Variants in SEMA3E observed in about 807,000 individuals in gnomAD.
SEMA3E encodes semaphorin-3E.
SEMA3E carries 49 observed loss-of-function variants against 93.6 expected under a neutral mutation model. That is an observed-to-expected ratio of 0.52 (90% CI 0.42 to 0.66). SEMA3E has a LOEUF of 0.66. Among genes scored for constraint, SEMA3E ranks in the 30% least tolerant of loss-of-function variants. SEMA3E has a pLI of 0.00. For missense variants in SEMA3E, 906 were observed against 964.8 expected (o/e 0.94, Z 0.81); for synonymous variants, 363 against 330.7 (o/e 1.10, Z -1.06).
chr7:83,613,650 A>G (rs1793308808), intron 1 of SEMA3E, among the ~76,000 whole-genome samples: 1 of 152,112 alleles, frequency 6.6e-6, no homozygotes. Flanking sequence ...AATTGTTTGG[A>G]TCATATCTTA....
At chr7:83,546,321 G>GGTGTGTGTGT (rs67647992) in intron 1 of SEMA3E, among the ~76,000 whole-genome samples, 13 of 129,484 alleles carry the variant, frequency 1.0e-4, no homozygotes, top group Admixed American at 5.9e-4. Context: ...TATAATAAGG[G>GGTGTGTGTGT]GTGTGTGTGT....
chr7:83,496,107 A>G (rs1227375900), intron 1 of SEMA3E, among the ~76,000 whole-genome samples: 3 of 151,988 alleles, frequency 2.0e-5, no homozygotes, highest in South Asian at 4.1e-4. Flanking sequence ...CCTCAGAAAT[A>G]CTATTATCCC....
At chr7:83,465,371 C>T (rs768363115) in intron 4 of SEMA3E, among the ~76,000 whole-genome samples, 51 of 152,246 alleles carry the variant, frequency 3.3e-4, no homozygotes, top group African/African-American at 8.7e-4. Flanking sequence ...TCTCTTCACA[C>T]GGATGCACAT....
chr7:83,386,080 A>T (rs2116917611), intron 15 of SEMA3E, among the ~76,000 whole-genome samples: 1 of 152,218 alleles, frequency 6.6e-6, no homozygotes, highest in South Asian at 2.1e-4. Flanking sequence ...TTTTAAACTA[A>T]GACAAATTCA....
In SEMA3E at chr7:83,587,239, G is replaced by C. The variant is rs558120925; in HGVS notation, c.115+61189C>G. On this transcript the variant is annotated intron_variant, in intron 1 of 16. Transcript: ENST00000643230. ...AAGTTAGAATTTTAACCAATTTGAG[G>C]CTTGTAAGAAATTAGGTAGTGCCTC... Among the ~76,000 whole-genome samples, 5 of 152,110 alleles carry C rather than the reference G, an allele frequency of 3.3e-5. No individual in the cohort carries two copies. The South Asian group carries it at 1.0e-3, about 32-fold the overall frequency.
intron 1 of SEMA3E, among the ~76,000 whole-genome samples, chr7:83,605,160 A>T (rs1311312201): frequency 1.3e-5 from 2 of 152,166 alleles, no homozygotes; most frequent in Non-Finnish European, 2.9e-5. Flanking sequence ...AATGGGATTG[A>T]TGGGTCAAAT....
At chr7:83,571,660 G>C (rs1792289072) in intron 1 of SEMA3E, among the ~76,000 whole-genome samples, 1 of 152,134 alleles carries the variant, frequency 6.6e-6, no homozygotes, top group South Asian at 2.1e-4. Context: ...TTGAAAACTG[G>C]AACAAGACAA....
intron 4 of SEMA3E, among the ~76,000 whole-genome samples, chr7:83,438,413 C>T (rs771976800): frequency 5.9e-5 from 9 of 152,068 alleles, no homozygotes; most frequent in African/African-American, 1.2e-4. Context: ...AATGAAGTTT[C>T]GTAGTAATTG....
In SEMA3E at chr7:83,367,275, GTCT is replaced by G. The variant is rs1291774109; in HGVS notation, c.*308_*310del. Reference sequence around the variant, plus strand: ...TTTTCTTCAATATTCTAATAATCTTGTCTTCCAAAAGTAAAATAATAATTTTCA... The same window carrying G: ...TTTTCTTCAATATTCTAATAATCTTGTCCAAAAGTAAAATAATAATTTTCA... On this transcript the variant is annotated 3_prime_UTR_variant, in exon 17 of 17. Coordinates refer to ENST00000643230, the MANE Select transcript of SEMA3E (RefSeq NM_012431.3). 5 of 282,640 alleles carry G rather than the reference GTCT, an allele frequency of 1.8e-5. No individual in the cohort carries two copies. Among genetic ancestry groups the G allele is most frequent in the Non-Finnish European group, 2.7e-5 (4 of 149,376 alleles). 17.5% of individuals were successfully genotyped at this position (282,640 alleles called of 1,614,324 possible). A position where few individuals can be genotyped will look rare whatever the true frequency, so the allele number is the denominator to read the frequency against.
At chr7:83,385,487 A>G in intron 15 of SEMA3E, 54 bp from the exon 16 acceptor site, 1 of 1,569,554 alleles carries the variant, frequency 6.4e-7, no homozygotes, top group Admixed American at 1.7e-5. Flanking sequence ...TAGGTAAATA[A>G]ATTTTTCAAA....
intron 1 of SEMA3E, among the ~76,000 whole-genome samples, chr7:83,640,504 T>A (rs1021975990): frequency 4.6e-5 from 7 of 152,146 alleles, no homozygotes; most frequent in Admixed American, 6.6e-5. Context: ...AAAAACAGGT[T>A]GGAGAAAGAG....
chr7:83,424,727 T>C (rs1469727646), intron 4 of SEMA3E, among the ~76,000 whole-genome samples: 1 of 152,230 alleles, frequency 6.6e-6, no homozygotes, highest in Admixed American at 6.5e-5. Flanking sequence ...GAGGGGAAAC[T>C]ACCCTGACTT....
intron 5 of SEMA3E, among the ~76,000 whole-genome samples, chr7:83,413,960 C>G (rs548005593): frequency 6.6e-6 from 1 of 151,970 alleles, no homozygotes; most frequent in Non-Finnish European, 1.5e-5. Flanking sequence ...TTCGTTGTGA[C>G]GGAACCATAA....
intron 5 of SEMA3E, among the ~76,000 whole-genome samples, chr7:83,415,062 A>G (rs1788515110): frequency 6.6e-6 from 1 of 152,150 alleles, no homozygotes; most frequent in Non-Finnish European, 1.5e-5. Flanking sequence ...GACACATGAC[A>G]TAAAGAACAC....
chr7:83,435,375 C>A (rs929295784), intron 4 of SEMA3E, among the ~76,000 whole-genome samples: 1 of 152,090 alleles, frequency 6.6e-6, no homozygotes, highest in Non-Finnish European at 1.5e-5. Flanking sequence ...AGGCAGATCA[C>A]CTGAGGTCAG....
At chr7:83,621,249 C>T (rs572771694) in intron 1 of SEMA3E, among the ~76,000 whole-genome samples, 1 of 152,094 alleles carries the variant, frequency 6.6e-6, no homozygotes, top group South Asian at 2.1e-4. Flanking sequence ...TTCACAATTG[C>T]TAAGAAGAGA....
At chr7:83,597,153 G>T (rs962787068) in intron 1 of SEMA3E, among the ~76,000 whole-genome samples, 3 of 152,044 alleles carry the variant, frequency 2.0e-5, no homozygotes, top group African/African-American at 7.2e-5. Flanking sequence ...CCTGGAAAGG[G>T]ACATATCCAC....
At chr7:83,510,917 G>A (rs1405669574) in intron 1 of SEMA3E, among the ~76,000 whole-genome samples, 2 of 152,156 alleles carry the variant, frequency 1.3e-5, no homozygotes, top group African/African-American at 2.4e-5. Flanking sequence ...ATAATTATAT[G>A]TATAATATCA....
chr7:83,560,451 T>G (rs1000596181), intron 1 of SEMA3E, among the ~76,000 whole-genome samples: 1 of 152,118 alleles, frequency 6.6e-6, no homozygotes, highest in Admixed American at 6.6e-5. Context: ...CTTTTCATGA[T>G]GAAAACTGAT....
Sources: gnomAD v4.1 joint callset for allele counts (sites outside exome capture counted in the v4.1 genomes callset) on GRCh38, gnomAD v4.1.1 for gene constraint, MANE v1.5 for transcripts, NCBI Gene and HGNC (gene_info 2026-07-23, HGNC 2026-07-21) for gene names.